PLCH1: variants seen among roughly 807,000 people sequenced by gnomAD.
The protein encoded by PLCH1 is phospholipase C eta 1.
PLCH1 carries 60 observed loss-of-function variants against 126.7 expected under a neutral mutation model. The ratio of observed to expected loss-of-function variants is 0.47; its 90% confidence interval spans 0.38 to 0.59. PLCH1 has a LOEUF of 0.59. PLCH1 is among the 20% of genes least tolerant of loss of function. The probability of loss-of-function intolerance (pLI) is 0.00; values close to 1 mark genes in which losing one functional copy is unlikely to be tolerated. For synonymous variants in PLCH1, 719 were observed against 734.9 expected (o/e 0.98, Z 0.35); for missense variants, 1,723 against 2,040.0 (o/e 0.84, Z 2.99).
intron 3 of PLCH1, among the ~76,000 whole-genome samples, chr3:155,594,645 C>T (rs1295149286): frequency 2.0e-5 from 3 of 152,072 alleles, no homozygotes; most frequent in Non-Finnish European, 2.9e-5. Flanking sequence ...AAATGTGAAA[C>T]CCAGGCCCTG....
At chr3:155,702,202 T>C (rs1210087251) in intron 2 of PLCH1, among the ~76,000 whole-genome samples, 2 of 152,200 alleles carry the variant, frequency 1.3e-5, no homozygotes, top group Non-Finnish European at 2.9e-5. Context: ...TCAAAAATCA[T>C]TGAGACCAGC....
At chr3:155,578,484 T>C (rs1189697563) in intron 6 of PLCH1, among the ~76,000 whole-genome samples, 3 of 152,212 alleles carry the variant, frequency 2.0e-5, no homozygotes, top group Non-Finnish European at 4.4e-5. Flanking sequence ...GGTTGCTGGC[T>C]ACCAGCCCCT....
At chr3:155,597,601 C>T (rs1733142989) in intron 2 of PLCH1, among the ~76,000 whole-genome samples, 1 of 152,126 alleles carries the variant, frequency 6.6e-6, no homozygotes, top group African/African-American at 2.4e-5. Context: ...AATAAACAAA[C>T]CTCAGCAACA....
intron 10 of PLCH1, among the ~76,000 whole-genome samples, chr3:155,526,626 A>G (rs574628468): frequency 2.4e-4 from 36 of 152,052 alleles, no homozygotes; most frequent in Non-Finnish European, 4.6e-4. Context: ...AAATGTGCCA[A>G]CAACAACCAC....
At chr3:155,724,693 T>C (rs1302109244) in intron 1 of PLCH1, among the ~76,000 whole-genome samples, 2 of 152,278 alleles carry the variant, frequency 1.3e-5, no homozygotes, top group Non-Finnish European at 2.9e-5. Flanking sequence ...TTCTTATCAT[T>C]CTGCCATTCT....
At chr3:155,485,283 C>T in intron 22 of PLCH1, 73 bp downstream of exon 22, 1 of 920,006 alleles carries the variant, frequency 1.1e-6, no homozygotes, top group Non-Finnish European at 1.7e-6. Flanking sequence ...ATGTCAGCCA[C>T]TTCATAATGG....
At chr3:155,489,425 T>TGC (rs1715830334) in intron 19 of PLCH1, among the ~76,000 whole-genome samples, 2 of 152,212 alleles carry the variant, frequency 1.3e-5, no homozygotes, top group Non-Finnish European at 2.9e-5. Context: ...TCAAAAACTG[T>TGC]ACAAGTAACA....
intron 1 of PLCH1, among the ~76,000 whole-genome samples, chr3:155,744,471 A>G (rs1253406181): frequency 1.3e-5 from 2 of 152,084 alleles, no homozygotes; most frequent in Admixed American, 1.3e-4. Flanking sequence ...GCGGTCAGAG[A>G]GAGGGTCCCG....
chr3:155,731,253 A>C (rs1748751184), intron 1 of PLCH1, among the ~76,000 whole-genome samples: 2 of 152,140 alleles, frequency 1.3e-5, no homozygotes, highest in Non-Finnish European at 2.9e-5. Flanking sequence ...TAGGTACCAG[A>C]CTCATCACAG....
intron 10 of PLCH1, among the ~76,000 whole-genome samples, chr3:155,532,850 C>T (rs908602789): frequency 5.3e-5 from 8 of 152,268 alleles, no homozygotes; most frequent in South Asian, 2.1e-4. Context: ...TGCAGAGAGT[C>T]GGGTACTGCT....
Position 155,488,034 on chromosome 3 carries a change from A to C in PLCH1, c.2613T>G (p.Tyr871Ter). 6.4e-7 allele frequency: 1 copy of C among 1,572,646 alleles called. No homozygotes were observed. The highest frequency in any genetic ancestry group is 8.8e-7 in the Non-Finnish European group (1 of 1,142,178). The change falls in exon 21 of 23, where the codon TAT (tyrosine) becomes TAG (stop). Residue 871 changes from tyrosine to a stop codon, truncating the protein, a stop_gained. Transcript: ENST00000460012. LOFTEE classifies it high-confidence loss of function. ...ATCCTATGATCTTTCTCACCTTTCC[A>C]TAGATTTCATTGATGGTTATGTGTA... ...IFVHITINEI[Y>*]GKNRQLQGLK...
chr3:155,693,451 G>A (rs1745560377), intron 2 of PLCH1, among the ~76,000 whole-genome samples: 1 of 130,076 alleles, frequency 7.7e-6, no homozygotes, highest in Non-Finnish European at 1.6e-5. Context: ...CGACCTGGGC[G>A]ACAGAGCGAG....
intron 15 of PLCH1, among the ~76,000 whole-genome samples, chr3:155,496,104 G>A (rs529529379): frequency 6.6e-6 from 1 of 152,226 alleles, no homozygotes; most frequent in East Asian, 1.9e-4. Context: ...TAATAGAGTT[G>A]AGTTGTATCA....
At chr3:155,641,591 T>C (rs1739406065) in intron 2 of PLCH1, among the ~76,000 whole-genome samples, 1 of 151,940 alleles carries the variant, frequency 6.6e-6, no homozygotes, top group African/African-American at 2.4e-5. Context: ...ATGAGTAGAA[T>C]TGGAATGTTC....
chr3:155,696,461 A>G (rs1251650979), intron 2 of PLCH1, among the ~76,000 whole-genome samples: 3 of 152,218 alleles, frequency 2.0e-5, no homozygotes, highest in African/African-American at 7.2e-5. Flanking sequence ...AGAACCCTGA[A>G]TCTACTCATG....
At chr3:155,471,619 T>C (rs1298720757) in intron 21 of PLCH1, among the ~76,000 whole-genome samples, 4 of 146,462 alleles carry the variant, frequency 2.7e-5, no homozygotes, top group Non-Finnish European at 6.0e-5. Flanking sequence ...ATCAACAGAA[T>C]ATACATTTTT....
intron 5 of PLCH1, 24 bp from the exon 6 acceptor site, chr3:155,583,666 A>C (rs764415346): frequency 6.6e-7 from 1 of 1,513,374 alleles, no homozygotes; most frequent in South Asian, 1.3e-5. Flanking sequence ...AGAGAAAATA[A>C]AGTAATATGA....
At chr3:155,487,552 C>T (rs1229353886) in intron 21 of PLCH1, among the ~76,000 whole-genome samples, 1 of 152,154 alleles carries the variant, frequency 6.6e-6, no homozygotes, top group Non-Finnish European at 1.5e-5. Flanking sequence ...AAAATCCATT[C>T]ACAATTTTTA....
intron 10 of PLCH1, among the ~76,000 whole-genome samples, chr3:155,540,025 TG>T (rs1724014232): frequency 5.2e-5 from 2 of 38,458 alleles, no homozygotes; most frequent in African/African-American, 1.2e-4. Context: ...AGCATGGTAC[TG>T]GTATATAAAA....
Sources: allele counts gnomAD v4.1 joint callset (sites outside exome capture counted in the v4.1 genomes callset), GRCh38; gene constraint gnomAD v4.1.1; transcripts MANE v1.5; gene names NCBI Gene and HGNC (gene_info 2026-07-23, HGNC 2026-07-21).